The following MOB1B variants were observed in gnomAD, a reference collection of about 807,000 sequenced individuals.
MOB1B encodes the protein MOB kinase activator 1B.
Under a neutral mutation model 24.4 loss-of-function variants are expected in MOB1B, and 19 were observed. That is an observed-to-expected ratio of 0.78 (90% CI 0.54 to 1.14). MOB1B has a LOEUF of 1.14. Ranked by LOEUF, MOB1B falls within the 50% of genes most tolerant of loss-of-function variation. MOB1B has a pLI of 0.00. For synonymous variants in MOB1B, 76 were observed against 82.1 expected (o/e 0.93, Z 0.40); for missense variants, 243 against 259.6 (o/e 0.94, Z 0.44).
At position 70,975,192 on chromosome 4, in the gene MOB1B, AC is replaced by A; in HGVS notation, c.317del (p.Pro106LeufsTer13). On this transcript the variant is annotated frameshift_variant, in exon 4 of 6. Coordinates refer to ENST00000309395, the MANE Select transcript of MOB1B (RefSeq NM_173468.4). LOFTEE classifies it high-confidence loss of function. ...HWADGTNIKK[P>X]IKCSAPKYID... ...GGGCAGATGGAACGAACATAAAGAA[AC>A]CTATTAAGTGCTCTGCACCAAAGTA... The A allele has an allele frequency of 6.2e-7, 1 of 1,610,452 alleles. No homozygotes were observed.
intron 1 of MOB1B, among the ~76,000 whole-genome samples, chr4:70,921,788 T>C (rs1736450750): frequency 6.6e-6 from 1 of 152,142 alleles, no homozygotes; most frequent in South Asian, 2.1e-4. Flanking sequence ...ATTACAGGCG[T>C]GAGCCACCGT....
chr4:70,913,809 C>T (rs1273985021), intron 1 of MOB1B, among the ~76,000 whole-genome samples: 3 of 151,992 alleles, frequency 2.0e-5, no homozygotes, highest in African/African-American at 7.3e-5. Flanking sequence ...TTTTAGTGTT[C>T]GTTGATATTT....
At chr4:70,969,673 A>G (rs1357168538) in intron 2 of MOB1B, among the ~76,000 whole-genome samples, 3 of 152,088 alleles carry the variant, frequency 2.0e-5, no homozygotes, top group Non-Finnish European at 4.4e-5. Context: ...TTCTTTATCT[A>G]TTCTAGATAT....
chr4:70,964,941 A>AG (rs1174506125), intron 2 of MOB1B, among the ~76,000 whole-genome samples: 16 of 152,076 alleles, frequency 1.1e-4, no homozygotes, highest in African/African-American at 3.6e-4. Context: ...AAAAAAAAAA[A>AG]AAAAGTTAAA....
At position 70,902,387 on chromosome 4, in the gene MOB1B, GA is replaced by G. The variant is rs1735542315; in HGVS notation, c.-148del. 1 of 772,996 alleles carries G rather than the reference GA, an allele frequency of 1.3e-6. No homozygotes were observed. The highest frequency in any genetic ancestry group is 2.0e-5 in the Admixed American group (1 of 49,658). The allele number at this position is 772,996 out of a possible 1,614,324, so 47.9% of individuals were successfully genotyped here. ...CCCTGCCATTGGAACTAGCTGAGCC[GA>G]ACTAGTTGCGGCCACCGAGCAGCCG... is the stretch of plus-strand genomic sequence containing the variant. On this transcript the variant is annotated 5_prime_UTR_variant, in exon 1 of 6. Transcript: ENST00000309395.
At chr4:70,933,124 A>G (rs1736945623) in intron 1 of MOB1B, among the ~76,000 whole-genome samples, 1 of 152,130 alleles carries the variant, frequency 6.6e-6, no homozygotes, top group Non-Finnish European at 1.5e-5. Context: ...AAGGGAAGCA[A>G]GCACTTCTTC....
intron 2 of MOB1B, among the ~76,000 whole-genome samples, chr4:70,963,825 A>C (rs927945969): frequency 9.9e-5 from 15 of 151,944 alleles, no homozygotes; most frequent in Non-Finnish European, 1.9e-4. Flanking sequence ...ATCACAAAAG[A>C]AGAAAAAAAC....
intron 4 of MOB1B, among the ~76,000 whole-genome samples, chr4:70,977,011 C>T (rs1430986973): frequency 6.6e-6 from 1 of 151,982 alleles, no homozygotes; most frequent in African/African-American, 2.4e-5. Context: ...CACATACATT[C>T]ATTCATTCCT....
intron 1 of MOB1B, among the ~76,000 whole-genome samples, chr4:70,932,361 A>T (rs923188339): frequency 6.6e-6 from 1 of 152,206 alleles, no homozygotes; most frequent in African/African-American, 2.4e-5. Context: ...TTTCCAGTCT[A>T]GGTGATCCAA....
intron 1 of MOB1B, among the ~76,000 whole-genome samples, chr4:70,908,958 G>A (rs1261567608): frequency 1.3e-5 from 2 of 151,710 alleles, no homozygotes; most frequent in African/African-American, 4.8e-5. Flanking sequence ...GGCTGAGGCA[G>A]GAAAATTGTT....
At chr4:70,981,715 A>T (rs1345182876) in intron 5 of MOB1B, among the ~76,000 whole-genome samples, 2 of 152,212 alleles carry the variant, frequency 1.3e-5, no homozygotes, top group Non-Finnish European at 2.9e-5. Context: ...TACATGAAGT[A>T]GTTAACATCC....
intron 2 of MOB1B, among the ~76,000 whole-genome samples, chr4:70,963,980 A>T (rs2148896467): frequency 6.6e-6 from 1 of 152,346 alleles, no homozygotes; most frequent in South Asian, 2.1e-4. Flanking sequence ...AAGAATCCCG[A>T]TAGTCGTGTT....
At chr4:70,969,391 A>G (rs868811898) in intron 2 of MOB1B, among the ~76,000 whole-genome samples, 2 of 152,312 alleles carry the variant, frequency 1.3e-5, no homozygotes, top group Middle Eastern at 6.8e-3. Context: ...TTGGCCTGTG[A>G]ATGTGTTGGG....
intron 1 of MOB1B, among the ~76,000 whole-genome samples, chr4:70,938,186 G>C (rs956487320): frequency 1.3e-5 from 2 of 151,776 alleles, no homozygotes; most frequent in African/African-American, 4.8e-5. Context: ...ATTTCTGTGT[G>C]CATGAGTGTG....
intron 1 of MOB1B, among the ~76,000 whole-genome samples, chr4:70,949,557 T>C (rs748161869): frequency 3.9e-5 from 6 of 152,122 alleles, no homozygotes; most frequent in Non-Finnish European, 7.4e-5. Context: ...ACTGGCAGAG[T>C]ATGTGCTAAG....
At chr4:70,941,803 C>T (rs995509588) in intron 1 of MOB1B, among the ~76,000 whole-genome samples, 1 of 152,088 alleles carries the variant, frequency 6.6e-6, no homozygotes, top group Non-Finnish European at 1.5e-5. Context: ...AAGCTAATTA[C>T]TGAGATCACA....
chr4:70,979,273 C>G lies in MOB1B; in HGVS notation c.555C>G (p.His185Gln), dbSNP rs1739112543. ...EEAHLNTSFK[H>Q]FIFFVQEFNL... ...CACATCTAAATACATCTTTCAAGCA[C>G]TTTATTTTTTTTGTCCAGGTAAGTT... The change falls in exon 5 of 6, where the codon CAC (histidine) becomes CAG (glutamine). Residue 185 changes from histidine (H) to glutamine (Q), a missense_variant. By Grantham distance (24) the His-to-Gln change is conservative. Coordinates refer to ENST00000309395, the MANE Select transcript of MOB1B (RefSeq NM_173468.4). The G allele has an allele frequency of 9.3e-6, 15 of 1,613,146 alleles. No homozygotes were observed. The highest frequency in any genetic ancestry group is 1.3e-5 in the Non-Finnish European group (15 of 1,179,792).
At chr4:70,960,742 G>C (rs998342391) in intron 2 of MOB1B, among the ~76,000 whole-genome samples, 5 of 152,186 alleles carry the variant, frequency 3.3e-5, no homozygotes, top group African/African-American at 7.2e-5. Context: ...AGATGTTTCT[G>C]TGTCATCTCC....
At chr4:70,976,170 G>A (rs1738985876) in intron 4 of MOB1B, 1 of 982,502 alleles carries the variant, frequency 1.0e-6, no homozygotes, top group African/African-American at 1.7e-5. Context: ...CCAAAGTACT[G>A]GGAACCCTCT....
Sources: allele counts gnomAD v4.1 joint callset (sites outside exome capture counted in the v4.1 genomes callset), GRCh38; gene constraint gnomAD v4.1.1; transcripts MANE v1.5; gene names NCBI Gene and HGNC (gene_info 2026-07-23, HGNC 2026-07-21).